ERCC5: variants seen among roughly 807,000 people sequenced by gnomAD.
The protein encoded by ERCC5 is ERCC excision repair 5, endonuclease, also known as DNA excision repair protein ERCC-5.
A neutral mutation model predicts 105.6 loss-of-function variants in ERCC5; 68 were observed. The observed-to-expected ratio is 0.64, with a 90% CI of 0.53 to 0.79. The LOEUF is 0.79. Ranked by LOEUF, ERCC5 falls within the 30% of genes least tolerant of loss-of-function variation. ERCC5 has a pLI of 0.00. For synonymous variants in ERCC5, 546 were observed against 526.2 expected, an observed-to-expected ratio of 1.04 and a Z score of -0.51; for missense variants, 1,373 against 1,426.7, an observed-to-expected ratio of 0.96 and a Z score of 0.61.
chr13:102,875,269 T>C, intron 14 of ERCC5, 38 bp from the exon 15 acceptor site: 1 of 1,597,676 alleles, frequency 6.3e-7, no homozygotes, highest in Non-Finnish European at 8.5e-7. Flanking sequence ...GACTTACTTG[T>C]CTGATTTATT....
intron 8 of ERCC5, among the ~76,000 whole-genome samples, chr13:102,864,062 T>C (rs1344664400): frequency 6.6e-6 from 1 of 151,774 alleles, no homozygotes; most frequent in African/African-American, 2.4e-5. Context: ...AATGACTCGG[T>C]ATTGGCTAAT....
chr13:102,856,294 C>CAT (rs891730880), intron 5 of ERCC5, among the ~76,000 whole-genome samples, 182 bp downstream of exon 5: 1 of 76,014 alleles, frequency 1.3e-5, no homozygotes, highest in East Asian at 3.3e-4. Flanking sequence ...CACCTACACA[C>CAT]GTGTATATAT....
chr13:102,861,614 A>G lies in ERCC5; in HGVS notation c.780A>G (p.Gly260=). The part of the protein sequence containing the change: ...VQKEMNQQHS[G]HIRRQYEDEG... ...AGGAAATGAATCAGCAACATTCAGG[A>G]CACATCCGAAGGCAGTATGAAGATG... is the stretch of plus-strand genomic sequence containing the variant. Residue 260 remains glycine (G), a synonymous_variant, in exon 7 of 15, where the codon GGA becomes GGG. Transcript: ENST00000652225. 2.5e-6 allele frequency: 4 copies of G among 1,614,174 alleles called. No individual in the cohort carries two copies. The highest frequency in any genetic ancestry group is 2.2e-5 in the East Asian group (1 of 44,876).
In ERCC5 at chr13:102,856,110, CAGGTATTT is replaced by C. The variant is rs1242769203; in HGVS notation, c.528+1_528+8del. ...AAGAATGAATCAAAAACAAGCATTA[CAGGTATTT>C]AGATCATTTTTGAATTCAGAATGTA... On this transcript the variant is annotated splice_donor_variant and splice_donor_5th_base_variant and coding_sequence_variant and intron_variant, in exon 5 of 15. Coordinates refer to ENST00000652225, the MANE Select transcript of ERCC5 (RefSeq NM_000123.4). LOFTEE classifies it high-confidence loss of function. 1 of 1,612,996 alleles carries C rather than the reference CAGGTATTT, an allele frequency of 6.2e-7. No homozygotes were observed. The highest frequency in any genetic ancestry group is 1.7e-5 in the Admixed American group (1 of 60,022).
At position 102,858,283 on chromosome 13, in the gene ERCC5, C is replaced by T. The variant is rs762321790; in HGVS notation, c.537C>T (p.Phe179=). Reference sequence around the variant, plus strand: ...TGATTTTATCTTTACAGGAAGAGTTCTTTCATAATCCTCAAGCGATAGATA... The same window carrying T: ...TGATTTTATCTTTACAGGAAGAGTTTTTTCATAATCCTCAAGCGATAGATA... ...MNQKQALQEE[F]FHNPQAIDIE... Residue 179 remains phenylalanine (F), a synonymous_variant, in exon 6 of 15, where the codon TTC becomes TTT. Transcript: ENST00000652225. 3 of 1,613,962 alleles carry T rather than the reference C, an allele frequency of 1.9e-6. No individual in the cohort carries two copies. The highest frequency in any genetic ancestry group is 2.5e-6 in the Non-Finnish European group (3 of 1,180,006).
chr13:102,853,168 A>C (rs1247706858), intron 2 of ERCC5, among the ~76,000 whole-genome samples: 1 of 152,226 alleles, frequency 6.6e-6, no homozygotes, highest in Non-Finnish European at 1.5e-5. Context: ...TCAGTTACCC[A>C]AGGCATACTG....
intron 12 of ERCC5, among the ~76,000 whole-genome samples, chr13:102,869,289 T>C (rs1882951337): frequency 6.6e-6 from 1 of 152,232 alleles, no homozygotes; most frequent in Non-Finnish European, 1.5e-5. Flanking sequence ...GAAATTTATA[T>C]ACCGGGAATG....
chr13:102,852,124 G>T lies in ERCC5; in HGVS notation c.95G>T (p.Ser32Ile). 6.2e-7 allele frequency: 1 copy of T among 1,614,026 alleles called. No homozygotes were observed. The highest frequency in any genetic ancestry group is 1.1e-5 in the South Asian group (1 of 91,052). Residue 32 changes from serine (S) to isoleucine (I), a missense_variant, in exon 2 of 15, where the codon AGC becomes ATC. Physicochemically the swap from Ser to Ile is moderately radical, Grantham distance 142 (BLOSUM62 -2). Transcript: ENST00000652225. ...LEGKILAVDI[S>I]IWLNQALKGV... is the part of the protein sequence containing the mutation. ...CCATTAACAATTCTCCCAGATATTA[G>T]CATTTGGTTAAACCAAGCACTTAAA...
At position 102,846,112 on chromosome 13, in the gene ERCC5, C is replaced by A. The variant is rs1750454787; in HGVS notation, c.-155C>A. 3.2e-6 allele frequency: 2 copies of A among 632,840 alleles called. No individual in the cohort carries two copies. The highest frequency in any genetic ancestry group is 3.7e-5 in the South Asian group (2 of 53,590). The allele number at this position is 632,840 out of a possible 1,614,324, so 39.2% of individuals were successfully genotyped here. A position where few individuals can be genotyped will look rare whatever the true frequency, so the allele number is the denominator to read the frequency against. Reference sequence around the variant, plus strand: ...TTAATGCGCTCCCATTAGTGCCGTCCCCCACTGGAAAACCGTGGCTTCTGT... The same window carrying A: ...TTAATGCGCTCCCATTAGTGCCGTCACCCACTGGAAAACCGTGGCTTCTGT... On this transcript the variant is annotated 5_prime_UTR_variant, in exon 1 of 15. Transcript: ENST00000652225.
At position 102,868,198 on chromosome 13, in the gene ERCC5, C is replaced by T. The variant is rs373958404; in HGVS notation, c.2619C>T (p.Thr873=). ...GAATACCAACTGTGGGTTGTGTAACCGCCATGGAAATTCTCAATGAATTCC... is the reference window on the plus strand; with the variant it reads ...GAATACCAACTGTGGGTTGTGTAACTGCCATGGAAATTCTCAATGAATTCC... ...TEGIPTVGCV[T]AMEILNEFPG... The change falls in exon 12 of 15, where the codon ACC becomes ACT. Residue 873 remains threonine, a synonymous_variant. Transcript: ENST00000652225. 1.7e-5 allele frequency: 27 copies of T among 1,614,036 alleles called. No homozygotes were observed. In the African/African-American group the frequency reaches 2.0e-4, roughly 12 times the overall value.
chr13:102,850,680 A>C (rs1011406248), intron 1 of ERCC5, among the ~76,000 whole-genome samples: 1 of 152,190 alleles, frequency 6.6e-6, no homozygotes, highest in Non-Finnish European at 1.5e-5. Flanking sequence ...GGGCATGAGC[A>C]GCTGAGTGGA....
At chr13:102,856,213 A>AT in intron 5 of ERCC5, 101 bp downstream of exon 5, 1 of 1,281,806 alleles carries the variant, frequency 7.8e-7, no homozygotes, top group Non-Finnish European at 1.1e-6. Context: ...AAAGTTCCTG[A>AT]TAAAAAGTAA....
chr13:102,846,131 C>T lies in ERCC5; in HGVS notation c.-136C>T, dbSNP rs929434724. Reference sequence around the variant, plus strand: ...GCCGTCCCCCACTGGAAAACCGTGGCTTCTGTATTATTTGCCATCTTTGTT... The same window carrying T: ...GCCGTCCCCCACTGGAAAACCGTGGTTTCTGTATTATTTGCCATCTTTGTT... On this transcript the variant is annotated 5_prime_UTR_variant, in exon 1 of 15. Transcript: ENST00000652225. 1.5e-6 allele frequency: 1 copy of T among 688,266 alleles called. No homozygotes were observed. The highest frequency in any genetic ancestry group is 1.8e-5 in the African/African-American group (1 of 55,818). The allele number at this position is 688,266 out of a possible 1,614,324, so 42.6% of individuals were successfully genotyped here. A position where few individuals can be genotyped will look rare whatever the true frequency, so the allele number is the denominator to read the frequency against.
In ERCC5 at chr13:102,862,999, C is replaced by T. The variant is rs1882701113; in HGVS notation, c.1850C>T (p.Thr617Ile). Reference protein sequence around the residue: ...NAKEHENFLETIQEQQTTESA... With the variant: ...NAKEHENFLEIIQEQQTTESA... ...AAAGAGCATGAGAATTTTCTGGAAA[C>T]CATCCAAGAACAGCAGACCACTGAA... Residue 617 changes from threonine to isoleucine, a missense_variant, in exon 8 of 15, where the codon ACC (threonine) becomes ATC (isoleucine). Physicochemically the swap from Thr to Ile is moderately conservative, Grantham distance 89 (BLOSUM62 -1). Coordinates refer to ENST00000652225, the MANE Select transcript of ERCC5 (RefSeq NM_000123.4). 1.2e-6 allele frequency: 2 copies of T among 1,614,030 alleles called. No homozygotes were observed. The highest frequency in any genetic ancestry group is 1.1e-5 in the South Asian group (1 of 91,086).
intron 3 of ERCC5, 59 bp from the exon 4 acceptor site, chr13:102,854,229 C>T: frequency 6.3e-7 from 1 of 1,579,156 alleles, no homozygotes; most frequent in Non-Finnish European, 8.7e-7. Context: ...GGTCAGGTCC[C>T]TGTTCACCAT....
chr13:102,846,176 T>C lies in ERCC5; in HGVS notation c.-91T>C, dbSNP rs1355618353. The C allele has an allele frequency of 9.4e-7, 1 of 1,066,172 alleles. No homozygotes were observed. 66.0% of individuals were successfully genotyped at this position (1,066,172 alleles called of 1,614,324 possible). ...TTTGTTGTGTAGGAGCAGGGAGGGC[T>C]TCCTCCCGGGGTCCTAGGCGGCGGT... On this transcript the variant is annotated 5_prime_UTR_variant, in exon 1 of 15. Coordinates refer to ENST00000652225, the MANE Select transcript of ERCC5 (RefSeq NM_000123.4).
Position 102,862,923 on chromosome 13 carries a change from G to GAAGCA in ERCC5, c.1774_1775insAAGCA (p.Val592GlufsTer8). ...GCAAGAAACAAGTAGCATAGTAAGT[G>GAAGCA]TCCCTTCAGAGGCAGTAGATAATGT... is the stretch of plus-strand genomic sequence containing the variant. On this transcript the variant is annotated frameshift_variant, in exon 8 of 15. Transcript: ENST00000652225. LOFTEE classifies it high-confidence loss of function. The GAAGCA allele has an allele frequency of 3.7e-6, 6 of 1,614,212 alleles. No homozygotes were observed. The highest frequency in any genetic ancestry group is 5.1e-6 in the Non-Finnish European group (6 of 1,180,040).
intron 12 of ERCC5, among the ~76,000 whole-genome samples, chr13:102,871,082 T>G (rs1308604609): frequency 6.6e-6 from 1 of 152,212 alleles, no homozygotes; most frequent in Non-Finnish European, 1.5e-5. Flanking sequence ...CTGTTCCATG[T>G]CGGCTAGGAC....
chr13:102,850,508 G>A (rs1257100724), intron 1 of ERCC5, among the ~76,000 whole-genome samples: 3 of 152,130 alleles, frequency 2.0e-5, no homozygotes, highest in African/African-American at 4.8e-5. Context: ...CTTGAAGGCA[G>A]TGGGAAGCTT....
Sources: gnomAD v4.1 joint callset for allele counts (sites outside exome capture counted in the v4.1 genomes callset) on GRCh38, gnomAD v4.1.1 for gene constraint, MANE v1.5 for transcripts, NCBI Gene and HGNC (gene_info 2026-07-23, HGNC 2026-07-21) for gene names.